Variants in FAM13A observed in about 807,000 individuals in gnomAD.
FAM13A encodes the protein protein FAM13A.
FAM13A carries 76 observed loss-of-function variants against 129.6 expected under a neutral mutation model. That is an observed-to-expected ratio of 0.59 (90% CI 0.49 to 0.71). The LOEUF is 0.71. FAM13A is among the 30% of genes least tolerant of loss of function. The pLI is 0.00. For missense variants in FAM13A, 1,108 were observed against 1,249.3 expected, an observed-to-expected ratio of 0.89 and a Z score of 1.70; for synonymous variants, 443 against 449.9, an observed-to-expected ratio of 0.98 and a Z score of 0.20.
chr4:88,959,648 C>G (rs1005411574), intron 4 of FAM13A, among the ~76,000 whole-genome samples: 6 of 152,182 alleles, frequency 3.9e-5, no homozygotes, highest in African/African-American at 1.4e-4. Context: ...ATTTCCTTCA[C>G]AAAATACTCA....
intron 3 of FAM13A, among the ~76,000 whole-genome samples, chr4:89,019,957 A>T (rs1767022521): frequency 6.6e-6 from 1 of 152,084 alleles, no homozygotes; most frequent in East Asian, 1.9e-4. Flanking sequence ...TATTTCCTTT[A>T]TTGTTCTCTA....
At chr4:88,840,172 G>A (rs1735577045) in intron 7 of FAM13A, among the ~76,000 whole-genome samples, 1 of 152,224 alleles carries the variant, frequency 6.6e-6, no homozygotes, top group Non-Finnish European at 1.5e-5. Context: ...TCAAAAAGGA[G>A]TGATCAGTTG....
intron 3 of FAM13A, among the ~76,000 whole-genome samples, chr4:89,002,161 G>A (rs1764335063): frequency 8.0e-6 from 1 of 125,140 alleles, no homozygotes. Flanking sequence ...CTTAAAAAGT[G>A]TAAGCACCCA....
chr4:88,971,990 T>C (rs1003191426), intron 4 of FAM13A, among the ~76,000 whole-genome samples: 4 of 152,220 alleles, frequency 2.6e-5, no homozygotes, highest in Admixed American at 2.6e-4. Flanking sequence ...ATTTCTTTGC[T>C]GCTTGTATCA....
At chr4:88,916,369 C>G (rs760639355) in intron 5 of FAM13A, among the ~76,000 whole-genome samples, 48 of 152,288 alleles carry the variant, frequency 3.2e-4, no homozygotes, top group Non-Finnish European at 5.4e-4. Context: ...GAAGCTCCAT[C>G]TAACAACTTT....
At chr4:88,892,559 A>G (rs573931437) in intron 6 of FAM13A, among the ~76,000 whole-genome samples, 1 of 152,344 alleles carries the variant, frequency 6.6e-6, no homozygotes, top group South Asian at 2.1e-4. Context: ...TAGCAGTTGA[A>G]TAATTTATTT....
intron 7 of FAM13A, chr4:88,822,847 C>T: frequency 7.8e-7 from 1 of 1,288,132 alleles, no homozygotes; most frequent in South Asian, 1.6e-5. Flanking sequence ...TAGGGAGGAA[C>T]CATATGTACA....
chr4:88,927,434 T>C (rs868285863), intron 5 of FAM13A, among the ~76,000 whole-genome samples: 1,853 of 95,414 alleles, frequency 0.019, 33 homozygotes, highest in African/African-American at 0.066. Flanking sequence ...TTTGGATGTC[T>C]TTTTTTTTTT....
At chr4:88,765,062 A>G (rs1314388041) in intron 13 of FAM13A, among the ~76,000 whole-genome samples, 3 of 152,208 alleles carry the variant, frequency 2.0e-5, no homozygotes, top group Admixed American at 2.0e-4. Context: ...CTGCAAGCTG[A>G]TTATTTAAAA....
chr4:88,938,185 G>T lies in FAM13A; in HGVS notation c.662C>A (p.Ala221Asp). The change falls in exon 5 of 24, where the codon GCT (alanine) becomes GAT (aspartate). Residue 221 changes from alanine to aspartate, a missense_variant. By Grantham distance (126) the Ala-to-Asp change is moderately radical. This residue lies in a region of FAM13A where 566 missense variants were observed against 595.7 expected (regional missense o/e 0.95). Transcript: ENST00000264344. ...KEQDLCNKIM[A>D]KILENYNTLF... ...GGTATTGTAATTTTCTAGAATTTTA[G>T]CCATTATCTTGTTGCACAGGTCCTG... 6.2e-7 allele frequency: 1 copy of T among 1,613,024 alleles called. No individual in the cohort carries two copies.
At chr4:89,000,250 A>G (rs1223975189) in intron 3 of FAM13A, among the ~76,000 whole-genome samples, 1 of 152,240 alleles carries the variant, frequency 6.6e-6, no homozygotes, top group African/African-American at 2.4e-5. Context: ...ATAAATGTTC[A>G]TAACAGCCAA....
intron 2 of FAM13A, among the ~76,000 whole-genome samples, chr4:89,025,117 C>T (rs12331870): frequency 1.2e-4 from 19 of 152,044 alleles, no homozygotes; most frequent in African/African-American, 4.3e-4. Flanking sequence ...TGTTTCAGCT[C>T]TGATAGAGTT....
chr4:88,925,272 T>A (rs911931854), intron 5 of FAM13A, among the ~76,000 whole-genome samples: 37 of 152,076 alleles, frequency 2.4e-4, no homozygotes, highest in African/African-American at 8.0e-4. Context: ...TTATTGCGGC[T>A]CTATTCACAA....
chr4:88,841,068 A>T (rs1393737848), intron 7 of FAM13A, among the ~76,000 whole-genome samples: 1 of 152,076 alleles, frequency 6.6e-6, no homozygotes, highest in African/African-American at 2.4e-5. Flanking sequence ...TTAGAAAAAA[A>T]CTCAGATGTA....
At chr4:88,992,843 C>T (rs1318547934) in intron 3 of FAM13A, among the ~76,000 whole-genome samples, 1 of 152,100 alleles carries the variant, frequency 6.6e-6, no homozygotes, top group Non-Finnish European at 1.5e-5. Context: ...TAACAGACAT[C>T]TAAGAGAATA....
In FAM13A at chr4:89,029,493, C is replaced by T. The variant is rs1258691258; in HGVS notation, c.184G>A (p.Val62Met). 13 of 1,598,544 alleles carry T rather than the reference C, an allele frequency of 8.1e-6. No individual in the cohort carries two copies. Among genetic ancestry groups the T allele is most frequent in the Middle Eastern group, 3.3e-4 (2 of 6,022 alleles). ...GLTENGIPAV[V>M]WNIVEYLTQH... ...GTCAAATATTCCACTATATTCCACA[C>T]TACTGCTGGAATGCCATTCTCGGTG... Residue 62 changes from valine to methionine, a missense_variant, in exon 2 of 24, where the codon GTG becomes ATG. Physicochemically the swap from Val to Met is conservative, Grantham distance 21. This residue lies in a region of FAM13A where 566 missense variants were observed against 595.7 expected (regional missense o/e 0.95). Transcript: ENST00000264344.
Position 88,747,618 on chromosome 4 carries a change from A to G in FAM13A, c.2382+13T>C, listed in dbSNP as rs374255773. The G allele has an allele frequency of 3.5e-4, 563 of 1,610,592 alleles. No homozygotes were observed. Among genetic ancestry groups the G allele is most frequent in the Non-Finnish European group, 4.2e-4 (497 of 1,176,926 alleles). On this transcript the variant is annotated intron_variant, in intron 18 of 23. Transcript: ENST00000264344. Reference sequence around the variant, plus strand: ...AATGGCTTAGGGCTTAGCACTTCACAGAATGATCGCACCTTAATGTCCTCA... The same window carrying G: ...AATGGCTTAGGGCTTAGCACTTCACGGAATGATCGCACCTTAATGTCCTCA...
chr4:88,790,102 C>G (rs1009109546), intron 9 of FAM13A, among the ~76,000 whole-genome samples: 1 of 152,070 alleles, frequency 6.6e-6, no homozygotes, highest in Non-Finnish European at 1.5e-5. Context: ...TTTCTGCATC[C>G]CTATTAGAGT....
chr4:89,052,042 T>C lies in FAM13A; in HGVS notation c.27+4896A>G, dbSNP rs1213014622. ...ATGTTGGTCCCATCCTTGAAATCTATGTAGAGGCAGCCAGGCTACTATGTC... is the reference window on the plus strand; with the variant it reads ...ATGTTGGTCCCATCCTTGAAATCTACGTAGAGGCAGCCAGGCTACTATGTC... On this transcript the variant is annotated intron_variant, in intron 1 of 23. Transcript: ENST00000264344. Among the ~76,000 whole-genome samples, 4 of 152,168 alleles carry C rather than the reference T, an allele frequency of 2.6e-5. No homozygotes were observed. The East Asian group carries it at 5.8e-4, about 22-fold the overall frequency.
Sources: allele counts gnomAD v4.1 joint callset (sites outside exome capture counted in the v4.1 genomes callset), GRCh38; gene constraint gnomAD v4.1.1; regional missense constraint gnomAD v4.1.1; transcripts MANE v1.5; gene names NCBI Gene and HGNC (gene_info 2026-07-23, HGNC 2026-07-21).